The following DDR2 variants were observed in gnomAD, a reference collection of about 807,000 sequenced individuals.
DDR2 encodes discoidin domain receptor tyrosine kinase 2.
Under a neutral mutation model 94.9 loss-of-function variants are expected in DDR2, and 27 were observed. The observed-to-expected ratio is 0.28, with a 90% confidence interval of 0.21 to 0.39. The LOEUF is 0.39. Ranked by LOEUF, DDR2 falls within the 10% of genes least tolerant of loss-of-function variation. The pLI is 1.00. For synonymous variants in DDR2, 382 were observed against 377.2 expected (o/e 1.01, Z -0.15); for missense variants, 783 against 1,076.0 (o/e 0.73, Z 3.81).
intron 2 of DDR2, among the ~76,000 whole-genome samples, chr1:162,690,913 G>A (rs140913645): frequency 2.6e-5 from 4 of 152,264 alleles, no homozygotes; most frequent in Admixed American, 2.0e-4. Context: ...TTGAAATGCT[G>A]GAGTTGTGTC....
intron 1 of DDR2, among the ~76,000 whole-genome samples, chr1:162,647,657 C>T (rs1182453205): frequency 6.6e-6 from 1 of 152,196 alleles, no homozygotes; most frequent in Non-Finnish European, 1.5e-5. Flanking sequence ...CTGAGGATCC[C>T]TACCCTTTTT....
chr1:162,718,345 G>A (rs1009975133), intron 2 of DDR2, among the ~76,000 whole-genome samples: 1 of 152,156 alleles, frequency 6.6e-6, no homozygotes, highest in African/African-American at 2.4e-5. Context: ...CTGAGCACTA[G>A]GTTTGCTCAT....
rs370172135 is a variant in DDR2, at chr1:162,649,752, T to C, written c.-191-5459T>C. Among the ~76,000 whole-genome samples, 106 of 152,296 alleles carry C rather than the reference T, an allele frequency of 7.0e-4. No homozygotes were observed. The South Asian group carries it at 0.022, about 32-fold the overall frequency. ...ATGTAACAAAGATAAATGAAGTTTG[T>C]AGTGTGTTCTCAAGCTTCTCTGACT... On this transcript the variant is annotated intron_variant, in intron 1 of 17. Coordinates refer to ENST00000367921, the MANE Select transcript of DDR2 (RefSeq NM_006182.4).
rs1439047109 is a variant in DDR2 at position 162,656,854 on chromosome 1, TTTTTG to T, written c.-28+1483_-28+1487del. On this transcript the variant is annotated intron_variant, in intron 2 of 17. Coordinates refer to ENST00000367921, the MANE Select transcript of DDR2 (RefSeq NM_006182.4). ...TGGAGTTTTTTTTTTTTTTTTATTT[TTTTTG>T]TTAACAGGGTTTTGCTCTGTCACCC... 2.8e-4 allele frequency among the ~76,000 whole-genome samples: 37 copies of T among 132,158 alleles called. 8 individuals are homozygous for T. Among genetic ancestry groups the T allele is most frequent in the East Asian group, 4.5e-4 (2 of 4,432 alleles). 86.7% of individuals were successfully genotyped at this position (132,158 alleles called of 152,430 possible).
At chr1:162,652,491 C>T (rs1045429254) in intron 1 of DDR2, among the ~76,000 whole-genome samples, 1 of 152,110 alleles carries the variant, frequency 6.6e-6, no homozygotes, top group Non-Finnish European at 1.5e-5. Flanking sequence ...CTTCTCTTAC[C>T]CCAGTTTTCT....
intron 2 of DDR2, among the ~76,000 whole-genome samples, chr1:162,660,109 A>G (rs1658213922): frequency 1.3e-5 from 2 of 152,128 alleles, no homozygotes; most frequent in Non-Finnish European, 2.9e-5. Context: ...TTCTCCATTT[A>G]TGATGGATGA....
intron 2 of DDR2, among the ~76,000 whole-genome samples, chr1:162,716,496 T>C (rs1019611164): frequency 6.6e-6 from 1 of 152,220 alleles, no homozygotes; most frequent in African/African-American, 2.4e-5. Context: ...GACTTATTTA[T>C]GGAAATAGTG....
chr1:162,776,996 G>T (rs1327983037), intron 16 of DDR2, among the ~76,000 whole-genome samples: 2 of 152,016 alleles, frequency 1.3e-5, no homozygotes, highest in Admixed American at 6.6e-5. Flanking sequence ...TTCCTACAAT[G>T]CCATGTACAT....
At chr1:162,666,199 AC>A (rs1658553119) in intron 2 of DDR2, among the ~76,000 whole-genome samples, 2 of 152,106 alleles carry the variant, frequency 1.3e-5, no homozygotes, top group African/African-American at 4.8e-5. Flanking sequence ...ACAGTTCCCA[AC>A]TATTTACTCT....
chr1:162,662,946 C>T (rs1050368024), intron 2 of DDR2, among the ~76,000 whole-genome samples: 9 of 152,012 alleles, frequency 5.9e-5, no homozygotes, highest in Admixed American at 3.3e-4. Flanking sequence ...GGGGTTGACA[C>T]GGGACAGAGG....
At chr1:162,693,860 A>T (rs1391801278) in intron 2 of DDR2, among the ~76,000 whole-genome samples, 1 of 152,178 alleles carries the variant, frequency 6.6e-6, no homozygotes, top group Non-Finnish European at 1.5e-5. Flanking sequence ...CAGGAAACTC[A>T]GCATCATTCT....
intron 2 of DDR2, among the ~76,000 whole-genome samples, chr1:162,663,246 G>A (rs1658395324): frequency 6.6e-6 from 1 of 152,094 alleles, no homozygotes; most frequent in South Asian, 2.1e-4. Context: ...AAAATGTTGA[G>A]TGTGACATCT....
At position 162,761,405 on chromosome 1, in the gene DDR2, C is replaced by T. The variant is rs769860361; in HGVS notation, c.1050C>T (p.Tyr350=). Residue 350 remains tyrosine (Y), a synonymous_variant, in exon 9 of 18, where the codon TAC becomes TAT. Transcript: ENST00000367921. ...HRMASAIKCQ[Y]HFADTWMMFS... ...TGGCCAGTGCCATCAAGTGTCAATA[C>T]CATTTTGCAGATACCTGGATGATGT... 2 of 1,614,178 alleles carry T rather than the reference C, an allele frequency of 1.2e-6. No individual in the cohort carries two copies. The highest frequency in any genetic ancestry group is 3.3e-5 in the Admixed American group (2 of 60,028).
intron 7 of DDR2, among the ~76,000 whole-genome samples, chr1:162,758,744 G>A (rs1293223750): frequency 2.0e-5 from 3 of 151,872 alleles, no homozygotes; most frequent in East Asian, 1.9e-4. Flanking sequence ...TATTTTTTGC[G>A]ATTCACAAAT....
chr1:162,752,978 A>G (rs974653106), intron 3 of DDR2, 117 bp from the exon 4 acceptor site: 8 of 870,574 alleles, frequency 9.2e-6, no homozygotes, highest in Non-Finnish European at 1.5e-5. Context: ...AGAGGAATTT[A>G]GGAAGATGTA....
At chr1:162,739,704 A>G (rs1284530358) in intron 3 of DDR2, among the ~76,000 whole-genome samples, 1 of 152,178 alleles carries the variant, frequency 6.6e-6, no homozygotes, top group Non-Finnish European at 1.5e-5. Context: ...TCATGATTTG[A>G]TTTACATTCT....
At chr1:162,667,349 G>C (rs966677615) in intron 2 of DDR2, among the ~76,000 whole-genome samples, 28 of 152,100 alleles carry the variant, frequency 1.8e-4, no homozygotes, top group African/African-American at 6.8e-4. Context: ...GAGAGCTAAA[G>C]GGGGCAACTG....
chr1:162,734,934 C>T (rs75114996), intron 3 of DDR2, among the ~76,000 whole-genome samples: 2,925 of 152,132 alleles, frequency 0.019, 47 homozygotes, highest in Non-Finnish European at 0.033. Context: ...AGAGGAACAA[C>T]GAAGAAGAGC....
At chr1:162,702,211 T>G (rs1660463578) in intron 2 of DDR2, among the ~76,000 whole-genome samples, 1 of 152,240 alleles carries the variant, frequency 6.6e-6, no homozygotes, top group African/African-American at 2.4e-5. Context: ...ATCATATTTT[T>G]CATCTTTGTT....
Sources: gnomAD v4.1 joint callset for allele counts (sites outside exome capture counted in the v4.1 genomes callset) on GRCh38, gnomAD v4.1.1 for gene constraint, MANE v1.5 for transcripts, NCBI Gene and HGNC (gene_info 2026-07-23, HGNC 2026-07-21) for gene names.